Variants in ATP2C2 observed in about 807,000 individuals in gnomAD.
The protein encoded by ATP2C2 is calcium-transporting ATPase type 2C member 2.
In ATP2C2, 171 loss-of-function variants were observed where a neutral mutation model predicts 110.8. That is an observed-to-expected ratio of 1.54 (90% CI 1.36 to 1.75). ATP2C2 has a LOEUF of 1.75. ATP2C2 is among the 40% of genes most tolerant of loss of function. The pLI is 0.00. For missense variants in ATP2C2, 1,963 were observed against 1,235.0 expected, an observed-to-expected ratio of 1.59 and a Z score of -8.84; for synonymous variants, 804 against 508.4, an observed-to-expected ratio of 1.58 and a Z score of -7.82.
At chr16:84,424,952 C>T (rs1907680371) in intron 10 of ATP2C2, among the ~76,000 whole-genome samples, 1 of 152,112 alleles carries the variant, frequency 6.6e-6, no homozygotes, top group Admixed American at 6.5e-5. Flanking sequence ...AATAGAGCTC[C>T]CCTTGCTAAT....
At position 84,375,226 on chromosome 16, in the gene ATP2C2, T is replaced by C. The variant is rs554986500; in HGVS notation, c.99+6512T>C. Among the ~76,000 whole-genome samples the C allele has an allele frequency of 2.4e-4, 36 of 152,238 alleles. 1 individual carries two copies. In the South Asian group the frequency reaches 7.1e-3, roughly 30 times the overall value. On this transcript the variant is annotated intron_variant, in intron 1 of 26. Coordinates refer to ENST00000262429, the MANE Select transcript of ATP2C2 (RefSeq NM_014861.4). Reference sequence around the variant, plus strand: ...GTAATGACACAGTGGACGGCTATGATTCTAATGTTTTTAACATGAAAAACG... The same window carrying C: ...GTAATGACACAGTGGACGGCTATGACTCTAATGTTTTTAACATGAAAAACG...
At chr16:84,419,586 G>A (rs1354737642) in intron 7 of ATP2C2, among the ~76,000 whole-genome samples, 1 of 152,160 alleles carries the variant, frequency 6.6e-6, no homozygotes, top group Non-Finnish European at 1.5e-5. Flanking sequence ...CTGGGGGCAG[G>A]GGGACGTTAC....
rs558313670 is a variant in ATP2C2 at position 84,452,914 on chromosome 16, G to A, written c.1832-224G>A. 4.7e-4 allele frequency among the ~76,000 whole-genome samples: 72 copies of A among 152,230 alleles called. 1 individual carries two copies. In the South Asian group the frequency reaches 0.013, roughly 28 times the overall value. On this transcript the variant is annotated intron_variant, in intron 18 of 26. Transcript: ENST00000262429. Reference sequence around the variant, plus strand: ...TACTCCTTACCAGCTGTGTGTCCTCGGCAAAGTCACTTCTGTTTCCCCATC... The same window carrying A: ...TACTCCTTACCAGCTGTGTGTCCTCAGCAAAGTCACTTCTGTTTCCCCATC...
intron 1 of ATP2C2, among the ~76,000 whole-genome samples, chr16:84,394,570 A>T (rs956566925): frequency 6.6e-6 from 1 of 152,056 alleles, no homozygotes; most frequent in African/African-American, 2.4e-5. Context: ...CTTAAATTTA[A>T]ATGTATTGTC....
intron 11 of ATP2C2, among the ~76,000 whole-genome samples, chr16:84,431,393 G>T (rs535743777): frequency 1.8e-3 from 274 of 152,238 alleles, no homozygotes; most frequent in African/African-American, 6.4e-3. Flanking sequence ...TACTCAGGGA[G>T]GCTGAGGCAG....
At chr16:84,453,781 T>C (rs1279057272) in intron 20 of ATP2C2, among the ~76,000 whole-genome samples, 1 of 152,012 alleles carries the variant, frequency 6.6e-6, no homozygotes, top group Non-Finnish European at 1.5e-5. Context: ...CAGTGAAAAC[T>C]GGGAGCTGTA....
intron 1 of ATP2C2, among the ~76,000 whole-genome samples, chr16:84,371,418 T>A (rs1457139728): frequency 3.3e-5 from 5 of 152,052 alleles, no homozygotes; most frequent in Non-Finnish European, 1.5e-5. Context: ...AGCAGGAGGA[T>A]TGCTTGCACC....
At position 84,433,940 on chromosome 16, in the gene ATP2C2, G is replaced by A. The variant is rs1908514645; in HGVS notation, c.987-5226G>A. On this transcript the variant is annotated intron_variant, in intron 11 of 26. Transcript: ENST00000262429. ...GATCCATGCGAGTGGACTTGCACGT[G>A]GGAGACACTTTCCCCCTCTCATTTG... is the stretch of plus-strand genomic sequence containing the variant. 2.0e-5 allele frequency among the ~76,000 whole-genome samples: 3 copies of A among 152,096 alleles called. No individual in the cohort carries two copies. The South Asian group carries it at 6.2e-4, about 32-fold the overall frequency.
At chr16:84,387,176 C>G (rs1165171300) in intron 1 of ATP2C2, among the ~76,000 whole-genome samples, 1 of 152,150 alleles carries the variant, frequency 6.6e-6, no homozygotes, top group East Asian at 1.9e-4. Flanking sequence ...TTTGGGCACT[C>G]GTATCTCCTG....
At chr16:84,450,343 C>T (rs536313210) in intron 17 of ATP2C2, among the ~76,000 whole-genome samples, 76 of 152,192 alleles carry the variant, frequency 5.0e-4, no homozygotes, top group Non-Finnish European at 9.6e-4. Flanking sequence ...GGACAGTGCC[C>T]GAGTGACTTA....
In ATP2C2 at chr16:84,382,894, TAAAAAAAAAAAAA is replaced by T. The variant is rs1170344466; in HGVS notation, c.99+14190_99+14202del. 3.6e-3 allele frequency among the ~76,000 whole-genome samples: 333 copies of T among 91,760 alleles called. 8 individuals are homozygous for T. Among genetic ancestry groups the T allele is most frequent in the East Asian group, 0.022 (72 of 3,306 alleles). 60.2% of individuals were successfully genotyped at this position (91,760 alleles called of 152,430 possible). A position where few individuals can be genotyped will look rare whatever the true frequency, so the allele number is the denominator to read the frequency against. ...GTGGGCGACAGAGCAAGACTCCATCTAAAAAAAAAAAAAAAAAAAAAAGTAAAGAAAGAAATGG... is the reference window on the plus strand; with the variant it reads ...GTGGGCGACAGAGCAAGACTCCATCTAAAAAAAAAGTAAAGAAAGAAATGG... On this transcript the variant is annotated intron_variant, in intron 1 of 26. Transcript: ENST00000262429.
At chr16:84,449,648 T>G (rs1322234318) in intron 17 of ATP2C2, among the ~76,000 whole-genome samples, 1 of 152,116 alleles carries the variant, frequency 6.6e-6, no homozygotes, top group Non-Finnish European at 1.5e-5. Flanking sequence ...TGAGAGGGGC[T>G]GGTATAAGAA....
intron 1 of ATP2C2, among the ~76,000 whole-genome samples, chr16:84,378,990 G>C (rs950826403): frequency 6.6e-6 from 1 of 151,920 alleles, no homozygotes; most frequent in African/African-American, 2.4e-5. Context: ...TAAGTTTCAG[G>C]GTGCAGGGTA....
rs374862881 is a variant in ATP2C2, at chr16:84,452,108, C to T, written c.1831+17C>T. On this transcript the variant is annotated intron_variant, in intron 18 of 26. Coordinates refer to ENST00000262429, the MANE Select transcript of ATP2C2 (RefSeq NM_014861.4). ...TGGCCATAGGTAACTGGGACAGGGT[C>T]GGGGGTGAGGACGAAAGGACCCATC... 1.1e-5 allele frequency: 18 copies of T among 1,613,310 alleles called. No homozygotes were observed. Among genetic ancestry groups the T allele is most frequent in the Admixed American group, 3.3e-5 (2 of 59,888 alleles).
chr16:84,430,428 G>T lies in ATP2C2; in HGVS notation c.986+4627G>T, dbSNP rs145520866. On this transcript the variant is annotated intron_variant, in intron 11 of 26. Coordinates refer to ENST00000262429, the MANE Select transcript of ATP2C2 (RefSeq NM_014861.4). The stretch of plus-strand genomic sequence containing the variant: ...CACTGAGGCAGACGGATCACTTGAG[G>T]TTAGGAGTTTAAGACCAGGTTGGCC... 4.1e-3 allele frequency among the ~76,000 whole-genome samples: 620 copies of T among 152,130 alleles called. 6 individuals carry two copies. Among genetic ancestry groups the T allele is most frequent in the African/African-American group, 0.014 (599 of 41,484 alleles).
At chr16:84,375,048 T>A (rs1361168297) in intron 1 of ATP2C2, among the ~76,000 whole-genome samples, 4 of 152,222 alleles carry the variant, frequency 2.6e-5, no homozygotes, top group Non-Finnish European at 5.9e-5. Context: ...TTGTCTCATA[T>A]CAGATACAAT....
Position 84,368,687 on chromosome 16 carries a change from G to T in ATP2C2, c.72G>T (p.Ala24=), listed in dbSNP as rs573048706. Residue 24 remains alanine (A), a synonymous_variant, in exon 1 of 27, where the codon GCG becomes GCT. Coordinates refer to ENST00000262429, the MANE Select transcript of ATP2C2 (RefSeq NM_014861.4). ...CGGGCGGGGGCCGCCAGTACCAGGCGCTGGAGAAGGACGAAGAGGAAGCCT... is the reference window on the plus strand; with the variant it reads ...CGGGCGGGGGCCGCCAGTACCAGGCTCTGGAGAAGGACGAAGAGGAAGCCT... ...GFSGGGRQYQ[A]LEKDEEEALI... is the part of the protein sequence containing the mutation. 5.5e-5 allele frequency: 86 copies of T among 1,552,580 alleles called. No individual in the cohort carries two copies. The African/African-American group carries it at 1.1e-3, about 19-fold the overall frequency.
intron 21 of ATP2C2, 62 bp downstream of exon 21, chr16:84,455,046 T>G: frequency 1.5e-6 from 2 of 1,363,606 alleles, no homozygotes; most frequent in South Asian, 1.2e-5. Context: ...AGCTTCTCCC[T>G]GGAACCTGCT....
At chr16:84,377,038 G>A (rs555580921) in intron 1 of ATP2C2, among the ~76,000 whole-genome samples, 1 of 152,336 alleles carries the variant, frequency 6.6e-6, no homozygotes, top group Admixed American at 6.5e-5. Flanking sequence ...GGTCTCTAAG[G>A]CATCTCACAT....
Sources: allele counts gnomAD v4.1 joint callset (sites outside exome capture counted in the v4.1 genomes callset), GRCh38; gene constraint gnomAD v4.1.1; transcripts MANE v1.5; gene names NCBI Gene and HGNC (gene_info 2026-07-23, HGNC 2026-07-21).